The following KIAA0825 variants were observed in gnomAD, a reference collection of about 807,000 sequenced individuals.
KIAA0825 encodes uncharacterized protein KIAA0825.
In KIAA0825, 119 loss-of-function variants were observed where a neutral mutation model predicts 147.6. The ratio of observed to expected loss-of-function variants is 0.81; its 90% CI spans 0.69 to 0.94. The LOEUF (loss-of-function observed/expected upper bound fraction) is 0.94, where lower values mean the gene tolerates loss of function less well. Ranked by LOEUF, KIAA0825 falls within the 40% of genes least tolerant of loss-of-function variation. The pLI is 0.00. For synonymous variants in KIAA0825, 470 were observed against 518.1 expected, an observed-to-expected ratio of 0.91 and a Z score of 1.26; for missense variants, 1,381 against 1,472.7, an observed-to-expected ratio of 0.94 and a Z score of 1.02.
intron 20 of KIAA0825, among the ~76,000 whole-genome samples, chr5:94,370,302 GA>G (rs1196093041): frequency 2.0e-5 from 3 of 152,202 alleles, no homozygotes; most frequent in Non-Finnish European, 4.4e-5. Context: ...GGTCAGCACA[GA>G]GGAATTTTTG....
chr5:94,230,427 G>C (rs1774590767), intron 20 of KIAA0825, among the ~76,000 whole-genome samples: 1 of 152,140 alleles, frequency 6.6e-6, no homozygotes, highest in Non-Finnish European at 1.5e-5. Context: ...TGAATCTGGA[G>C]TCTTTCTGGA....
chr5:94,209,210 G>T (rs1370380143), intron 20 of KIAA0825, among the ~76,000 whole-genome samples: 1 of 152,156 alleles, frequency 6.6e-6, no homozygotes, highest in Admixed American at 6.5e-5. Context: ...TGCATTAAAT[G>T]TTTTTTATAA....
At chr5:94,471,394 T>G in intron 9 of KIAA0825, 72 bp downstream of exon 9, 1 of 1,430,244 alleles carries the variant, frequency 7.0e-7, no homozygotes. Flanking sequence ...TACCAAAATT[T>G]CATTCCTGTG....
chr5:94,436,087 C>T (rs1253852838), intron 14 of KIAA0825, among the ~76,000 whole-genome samples: 5 of 152,124 alleles, frequency 3.3e-5, no homozygotes, highest in Non-Finnish European at 2.9e-5. Context: ...TCTGTTTACT[C>T]TGTTGACAGC....
At chr5:94,586,217 T>TA (rs1783257146) in intron 1 of KIAA0825, among the ~76,000 whole-genome samples, 1 of 151,690 alleles carries the variant, frequency 6.6e-6, no homozygotes, top group Non-Finnish European at 1.5e-5. Flanking sequence ...GATAGAGACA[T>TA]AAAAAACCCT....
At chr5:94,248,486 T>A (rs1373814003) in intron 20 of KIAA0825, among the ~76,000 whole-genome samples, 1 of 152,156 alleles carries the variant, frequency 6.6e-6, no homozygotes. Context: ...CAGTGAATAA[T>A]AGCCTGTAGA....
chr5:94,548,140 G>C (rs746047393), intron 2 of KIAA0825, among the ~76,000 whole-genome samples: 3 of 152,110 alleles, frequency 2.0e-5, no homozygotes, highest in Non-Finnish European at 2.9e-5. Context: ...ATGTAATTGT[G>C]GTATGTAAAT....
chr5:94,573,491 C>T (rs1221543103), intron 2 of KIAA0825, among the ~76,000 whole-genome samples: 7 of 152,112 alleles, frequency 4.6e-5, no homozygotes, highest in Admixed American at 4.6e-4. Context: ...TGGCTGGTCT[C>T]AAATTCCTGA....
At position 94,377,970 on chromosome 5, in the gene KIAA0825, G is replaced by T. The variant is rs74834468; in HGVS notation, c.3710+6398C>A. Among the ~76,000 whole-genome samples, 811 of 152,260 alleles carry T rather than the reference G, an allele frequency of 5.3e-3. 11 individuals are homozygous for T. The highest frequency in any genetic ancestry group is 0.018 in the African/African-American group (762 of 41,548). ...TGTCAAAAGATTTATAAGTCTTGGA[G>T]TATAAAACAGACTTTGTTGCTGAAG... is the stretch of plus-strand genomic sequence containing the variant. On this transcript the variant is annotated intron_variant, in intron 20 of 20. Transcript: ENST00000682413.
intron 20 of KIAA0825, among the ~76,000 whole-genome samples, chr5:94,168,838 A>T: frequency 6.6e-6 from 1 of 152,136 alleles, no homozygotes; most frequent in Non-Finnish European, 1.5e-5. Flanking sequence ...TTCCTGTTAA[A>T]CTTGATATAT....
chr5:94,198,301 T>C (rs1427123682), intron 20 of KIAA0825, among the ~76,000 whole-genome samples: 5 of 152,210 alleles, frequency 3.3e-5, no homozygotes. Context: ...TTTTTGGACT[T>C]TGATTTTGTA....
At chr5:94,531,888 C>A (rs1770864492) in intron 3 of KIAA0825, among the ~76,000 whole-genome samples, 1 of 152,092 alleles carries the variant, frequency 6.6e-6, no homozygotes, top group African/African-American at 2.4e-5. Flanking sequence ...GACTAATTTT[C>A]ATTTTGTAGA....
intron 20 of KIAA0825, among the ~76,000 whole-genome samples, chr5:94,277,168 C>G (rs1777260991): frequency 6.6e-6 from 1 of 152,064 alleles, no homozygotes; most frequent in Non-Finnish European, 1.5e-5. Flanking sequence ...TTGTTCACAA[C>G]CCAGGCGAGC....
chr5:94,311,274 A>G (rs1779150141), intron 20 of KIAA0825, among the ~76,000 whole-genome samples: 1 of 150,762 alleles, frequency 6.6e-6, no homozygotes, highest in African/African-American at 2.4e-5. Context: ...TTCTTTTTGA[A>G]GCTTATGGTA....
intron 11 of KIAA0825, among the ~76,000 whole-genome samples, chr5:94,464,082 A>G (rs968343801): frequency 1.2e-4 from 18 of 151,346 alleles, no homozygotes; most frequent in South Asian, 4.1e-4. Flanking sequence ...AAAAAAAAAA[A>G]AAAGAAAGCC....
chr5:94,246,309 C>T (rs11739227), intron 20 of KIAA0825, among the ~76,000 whole-genome samples: 26,266 of 151,990 alleles, frequency 0.17, 2,603 homozygotes, highest in East Asian at 0.34. Flanking sequence ...CCCAGAGCAA[C>T]GGTTTCTACA....
chr5:94,561,692 C>T (rs965243304), intron 2 of KIAA0825, among the ~76,000 whole-genome samples: 1 of 152,186 alleles, frequency 6.6e-6, no homozygotes, highest in African/African-American at 2.4e-5. Flanking sequence ...CATAGAAAAA[C>T]TCATCTTGTT....
At chr5:94,611,991 C>T (rs1261420856) in intron 1 of KIAA0825, 1 of 152,000 alleles carries the variant, frequency 6.6e-6, no homozygotes, top group African/African-American at 2.4e-5. Flanking sequence ...TATTTATAGG[C>T]TACCTGAATT....
chr5:94,427,250 C>T (rs1755011465), intron 14 of KIAA0825, among the ~76,000 whole-genome samples: 1 of 152,114 alleles, frequency 6.6e-6, no homozygotes, highest in Admixed American at 6.5e-5. Flanking sequence ...TTTAGAAAAG[C>T]ATGCTAGGCA....
Sources: gnomAD v4.1 joint callset for allele counts (sites outside exome capture counted in the v4.1 genomes callset) on GRCh38, gnomAD v4.1.1 for gene constraint, MANE v1.5 for transcripts, NCBI Gene and HGNC (gene_info 2026-07-23, HGNC 2026-07-21) for gene names.